Variants in P3H3 observed in about 807,000 individuals in gnomAD.
The protein encoded by P3H3 is prolyl 3-hydroxylase 3, also known as gene rich cluster, B.
P3H3 carries 64 observed loss-of-function variants against 78.1 expected under a neutral mutation model. The ratio of observed to expected loss-of-function variants is 0.82; its 90% CI spans 0.67 to 1.01. The LOEUF (loss-of-function observed/expected upper bound fraction) is 1.01. Among genes scored for constraint, P3H3 ranks in the 50% least tolerant of loss-of-function variants. P3H3 has a pLI of 0.00. For synonymous variants in P3H3, 425 were observed against 416.7 expected (o/e 1.02, Z -0.24); for missense variants, 975 against 982.2 (o/e 0.99, Z 0.10).
At position 6,829,220 on chromosome 12, in the gene P3H3, C is replaced by T. The variant is rs1158600776; in HGVS notation, c.498+282C>T. ...AGATGGAGGGACAGGGCCGCCTCTT[C>T]CTAGGAATGAAGCGGAGGCGGTGGG... On this transcript the variant is annotated intron_variant, in intron 1 of 14. Transcript: ENST00000290510. The surrounding 1 kb of genome is among the most constrained non-coding windows in gnomAD (Gnocchi z 5.1). 2 of 363,194 alleles carry T rather than the reference C, an allele frequency of 5.5e-6. No individual in the cohort carries two copies. Among genetic ancestry groups the T allele is most frequent in the Admixed American group, 4.7e-5 (1 of 21,466 alleles). The allele number at this position is 363,194 out of a possible 1,614,324, so 22.5% of individuals were successfully genotyped here. A position where few individuals can be genotyped will look rare whatever the true frequency, so the allele number is the denominator to read the frequency against.
In P3H3 at chr12:6,833,879, C is replaced by T. The variant is rs782621539; in HGVS notation, c.1334-46C>T. 20 of 1,613,870 alleles carry T rather than the reference C, an allele frequency of 1.2e-5. 1 individual carries two copies. In the Admixed American group the frequency reaches 3.3e-4, roughly 27 times the overall value. On this transcript the variant is annotated intron_variant, in intron 8 of 14. Transcript: ENST00000290510. ...GGCTGCCAGCTACTGCTCTGCCTGC[C>T]CTTAGGGGATGCTCAGCCCCCTCTG...
rs1322872432 is a variant in P3H3, at chr12:6,828,456, C to T, written c.16C>T (p.Arg6Trp). The T allele has an allele frequency of 4.6e-6, 5 of 1,092,286 alleles. No individual in the cohort carries two copies. Among genetic ancestry groups the T allele is most frequent in the East Asian group, 3.2e-5 (1 of 31,576 alleles). 67.7% of individuals were successfully genotyped at this position (1,092,286 alleles called of 1,614,324 possible). MLRLLRPLLLLLLLPP... is the reference protein window; with the variant it reads MLRLLWPLLLLLLLPP... ...CTCCGACATCATGCTCCGGCTCCTC[C>T]GGCCGCTGCTGCTACTGCTGCTGCT... is the stretch of plus-strand genomic sequence containing the variant. The change falls in exon 1 of 15, where the codon CGG becomes TGG. Residue 6 changes from arginine (R) to tryptophan (W), a missense_variant. By Grantham distance (101) the Arg-to-Trp change is moderately radical (BLOSUM62 -3). Coordinates refer to ENST00000290510, the MANE Select transcript of P3H3 (RefSeq NM_014262.5).
In P3H3 at chr12:6,838,033, G is replaced by A. The variant is rs199597210; in HGVS notation, c.1905G>A (p.Thr635=). ...CGGAGCCCAACGCCCTCACTGTCAC[G>A]GTGCGTGGAGTGGGGGGTGTGACGG... The part of the protein sequence containing the change: ...FFTEPNALTV[T]ARVRPRCGRL... The change falls in exon 13 of 15, where the codon ACG becomes ACA. Residue 635 remains threonine (T), a splice_region_variant and synonymous_variant. Transcript: ENST00000290510. 319 of 1,599,828 alleles carry A rather than the reference G, an allele frequency of 2.0e-4. No individual in the cohort carries two copies. Among genetic ancestry groups the A allele is most frequent in the Non-Finnish European group, 2.4e-4 (287 of 1,172,890 alleles).
At chr12:6,834,983 A>T (rs12298497) in intron 9 of P3H3, 27,873 of 151,450 alleles carry the variant, frequency 0.18, 2,812 homozygotes, top group East Asian at 0.35. Flanking sequence ...ACTGAAATGC[A>T]GTTATAGAAG....
Position 6,831,876 on chromosome 12 carries a change from T to C in P3H3, c.1174T>C (p.Tyr392His). The C allele has an allele frequency of 6.2e-7, 1 of 1,608,774 alleles. No homozygotes were observed. The highest frequency in any genetic ancestry group is 1.1e-5 in the South Asian group (1 of 89,964). The change falls in exon 6 of 15, where the codon TAT becomes CAT. Residue 392 changes from tyrosine (Y) to histidine (H), a missense_variant. Tyr to His is a moderately conservative substitution (Grantham distance 83). Transcript: ENST00000290510. The surrounding 1 kb of genome is among the most constrained non-coding windows in gnomAD (Gnocchi z 4.6). Reference sequence around the variant, plus strand: ...CCTGGGGGAGAAGAGGCAGCTCTACTATGCCATGGAGCACCTGGGGACCAG... The same window carrying C: ...CCTGGGGGAGAAGAGGCAGCTCTACCATGCCATGGAGCACCTGGGGACCAG... ...RSLGEKRQLY[Y>H]AMEHLGTSFK...
In P3H3 at chr12:6,837,041, C is replaced by A. The variant is rs782004093; in HGVS notation, c.1515C>A (p.Thr505=). ...ATCGTGGTCGCCGCTCCCCTCACAC[C>A]CCCCATGAACGCTTCGAGGGGCTCA... The part of the protein sequence containing the change: ...SGYRGRRSPH[T]PHERFEGLTV... The change falls in exon 10 of 15, where the codon ACC becomes ACA. Residue 505 remains threonine (T), a synonymous_variant. Coordinates refer to ENST00000290510, the MANE Select transcript of P3H3 (RefSeq NM_014262.5). The A allele has an allele frequency of 8.7e-6, 14 of 1,608,100 alleles. No individual in the cohort carries two copies. The highest frequency in any genetic ancestry group is 1.6e-4 in the Middle Eastern group (1 of 6,082).
In P3H3 at chr12:6,828,636, A is replaced by G; in HGVS notation, c.196A>G (p.Ser66Gly). The G allele has an allele frequency of 3.3e-6, 4 of 1,215,792 alleles. No individual in the cohort carries two copies. The highest frequency in any genetic ancestry group is 3.1e-6 in the Non-Finnish European group (3 of 978,454). The allele number at this position is 1,215,792 out of a possible 1,614,324, so 75.3% of individuals were successfully genotyped here. A position where few individuals can be genotyped will look rare whatever the true frequency, so the allele number is the denominator to read the frequency against. Residue 66 changes from serine to glycine, a missense_variant, in exon 1 of 15, where the codon AGC becomes GGC. Ser to Gly is a moderately conservative substitution (Grantham distance 56). Transcript: ENST00000290510. ...AVALLREALR[S>G]QAALGRVRLD... is the part of the protein sequence containing the mutation. Reference sequence around the variant, plus strand: ...GGCGCTGCTGCGGGAGGCGCTGCGGAGCCAGGCGGCGCTGGGCCGGGTGCG... The same window carrying G: ...GGCGCTGCTGCGGGAGGCGCTGCGGGGCCAGGCGGCGCTGGGCCGGGTGCG...
At chr12:6,838,264 A>G (rs782492412) in intron 13 of P3H3, among the ~76,000 whole-genome samples, 4 of 152,190 alleles carry the variant, frequency 2.6e-5, no homozygotes, top group African/African-American at 4.8e-5. Flanking sequence ...TGAATGAAGC[A>G]CAGCTTGCAG....
chr12:6,828,548 C>T lies in P3H3; in HGVS notation c.108C>T (p.Ala36=). Residue 36 remains alanine, a synonymous_variant, in exon 1 of 15, where the codon GCC becomes GCT. Coordinates refer to ENST00000290510, the MANE Select transcript of P3H3 (RefSeq NM_014262.5). The part of the protein sequence containing the change: ...TQLSPGAPPQ[A]PDLLYADGLR... ...TGTCCCCGGGGGCGCCCCCGCAGGCCCCCGACTTGCTCTACGCTGACGGGC... is the reference window on the plus strand; with the variant it reads ...TGTCCCCGGGGGCGCCCCCGCAGGCTCCCGACTTGCTCTACGCTGACGGGC... 1 of 1,274,502 alleles carries T rather than the reference C, an allele frequency of 7.8e-7. No homozygotes were observed. Among genetic ancestry groups the T allele is most frequent in the Non-Finnish European group, 9.9e-7 (1 of 1,010,504 alleles). The allele number at this position is 1,274,502 out of a possible 1,614,324, so 78.9% of individuals were successfully genotyped here.
chr12:6,830,957 G>A (rs1457046231), intron 4 of P3H3, 187 bp downstream of exon 4: 8 of 896,248 alleles, frequency 8.9e-6, no homozygotes, highest in Non-Finnish European at 1.4e-5. Flanking sequence ...TCAGGAGATG[G>A]GCTTCCTTCT....
chr12:6,835,710 C>T (rs1373245016), intron 9 of P3H3, among the ~76,000 whole-genome samples: 4 of 151,864 alleles, frequency 2.6e-5, no homozygotes, highest in Non-Finnish European at 4.4e-5. Context: ...CACATGAAGG[C>T]CGAGGGACAG....
In P3H3 at chr12:6,831,751, C is replaced by T; in HGVS notation, c.1123-74C>T. ...CCAGGTTCAAGGAGCATGGAGCACC[C>T]AGGCAGTGCCCTAGAGCCGGCGCTT... On this transcript the variant is annotated intron_variant, in intron 5 of 14. Transcript: ENST00000290510. This position sits in a 1 kb window ranked among gnomAD's most constrained non-coding sequence, Gnocchi z 4.6. 3 of 914,006 alleles carry T rather than the reference C, an allele frequency of 3.3e-6. No homozygotes were observed. Among genetic ancestry groups the T allele is most frequent in the Non-Finnish European group, 5.3e-6 (3 of 565,442 alleles). The allele number at this position is 914,006 out of a possible 1,614,324, so 56.6% of individuals were successfully genotyped here. A position where few individuals can be genotyped will look rare whatever the true frequency, so the allele number is the denominator to read the frequency against.
chr12:6,835,158 C>A (rs781860831), intron 9 of P3H3, among the ~76,000 whole-genome samples: 8 of 152,116 alleles, frequency 5.3e-5, no homozygotes, highest in Non-Finnish European at 7.3e-5. Context: ...CCTGTGTGAT[C>A]TTGGGCAATT....
chr12:6,829,755 G>T lies in P3H3; in HGVS notation c.499-104G>T, dbSNP rs1555120998. The T allele has an allele frequency of 2.4e-6, 3 of 1,229,962 alleles. No homozygotes were observed. The highest frequency in any genetic ancestry group is 2.3e-6 in the Non-Finnish European group (2 of 852,170). 76.2% of individuals were successfully genotyped at this position (1,229,962 alleles called of 1,614,324 possible). ...GGCCAGTCTTCCATGAGGCTCTGGG[G>T]CACCCAGAGTGTGTGTCTGGGGTAG... On this transcript the variant is annotated intron_variant, in intron 1 of 14. Transcript: ENST00000290510. The surrounding 1 kb of genome is among the most constrained non-coding windows in gnomAD (Gnocchi z 5.1).
At position 6,839,246 on chromosome 12, in the gene P3H3, C is replaced by T. The variant is rs868947589; in HGVS notation, c.2047-51C>T. On this transcript the variant is annotated intron_variant, in intron 14 of 14. Coordinates refer to ENST00000290510, the MANE Select transcript of P3H3 (RefSeq NM_014262.5). ...GGTGAGGGTCAGGGGCTGAGCTGACCCAGGGAAGGTGGGTGCAGGGAATGG... is the reference window on the plus strand; with the variant it reads ...GGTGAGGGTCAGGGGCTGAGCTGACTCAGGGAAGGTGGGTGCAGGGAATGG... 76 of 1,562,780 alleles carry T rather than the reference C, an allele frequency of 4.9e-5. 1 individual carries two copies. The Middle Eastern group carries it at 7.0e-3, about 144-fold the overall frequency.
rs1471692898 is a variant in P3H3 at position 6,838,014 on chromosome 12, C to T, written c.1886C>T (p.Pro629Leu). 1 of 1,607,024 alleles carries T rather than the reference C, an allele frequency of 6.2e-7. No individual in the cohort carries two copies. Among genetic ancestry groups the T allele is most frequent in the Non-Finnish European group, 8.5e-7 (1 of 1,176,624 alleles). ...FQGGDLFFTE[P>L]NALTVTARVR... ...GGTGGGGACCTGTTCTTCACGGAGC[C>T]CAACGCCCTCACTGTCACGGTGCGT... Residue 629 changes from proline (P) to leucine (L), a missense_variant, in exon 13 of 15, where the codon CCC becomes CTC. Coordinates refer to ENST00000290510, the MANE Select transcript of P3H3 (RefSeq NM_014262.5).
chr12:6,828,927 G>A lies in P3H3; in HGVS notation c.487G>A (p.Ala163Thr). 8.1e-7 allele frequency: 1 copy of A among 1,240,772 alleles called. No homozygotes were observed. The highest frequency in any genetic ancestry group is 1.0e-6 in the Non-Finnish European group (1 of 991,370). The allele number at this position is 1,240,772 out of a possible 1,614,324, so 76.9% of individuals were successfully genotyped here. A position where few individuals can be genotyped will look rare whatever the true frequency, so the allele number is the denominator to read the frequency against. The change falls in exon 1 of 15, where the codon GCC (alanine) becomes ACC (threonine). Residue 163 changes from alanine to threonine, a missense_variant. Physicochemically the swap from Ala to Thr is moderately conservative, Grantham distance 58. Coordinates refer to ENST00000290510, the MANE Select transcript of P3H3 (RefSeq NM_014262.5). ...GGAGCCCTACAACTACCTGCAGAGG[G>A]CCTATTACCAGGTGGGGAGCGGGCC... Reference protein sequence around the residue: ...RREPYNYLQRAYYQLKKLDLA... With the variant: ...RREPYNYLQRTYYQLKKLDLA...
At position 6,837,453 on chromosome 12, in the gene P3H3, G is replaced by A. The variant is rs782335031; in HGVS notation, c.1591G>A (p.Gly531Ser). 1.3e-5 allele frequency: 21 copies of A among 1,611,604 alleles called. No homozygotes were observed. The highest frequency in any genetic ancestry group is 1.8e-5 in the Non-Finnish European group (21 of 1,179,026). The change falls in exon 11 of 15, where the codon GGT (glycine) becomes AGT (serine). Residue 531 changes from glycine to serine, a missense_variant. Physicochemically the swap from Gly to Ser is moderately conservative, Grantham distance 56 (BLOSUM62 0). Coordinates refer to ENST00000290510, the MANE Select transcript of P3H3 (RefSeq NM_014262.5). ...LARAGTVGSQGAKLLLEVSER... is the reference protein window; with the variant it reads ...LARAGTVGSQSAKLLLEVSER... ...CCGGGCTGGGACAGTGGGCAGTCAGGGTGCTAAGCTGCTTCTGGAGGTGAG... is the reference window on the plus strand; with the variant it reads ...CCGGGCTGGGACAGTGGGCAGTCAGAGTGCTAAGCTGCTTCTGGAGGTGAG...
chr12:6,829,963 G>T lies in P3H3; in HGVS notation c.603G>T (p.Ser201=). 1 of 1,613,986 alleles carries T rather than the reference G, an allele frequency of 6.2e-7. No homozygotes were observed. Among genetic ancestry groups the T allele is most frequent in the Non-Finnish European group, 8.5e-7 (1 of 1,179,882 alleles). Residue 201 remains serine, a synonymous_variant, in exon 2 of 15, where the codon TCG becomes TCT. Transcript: ENST00000290510. The surrounding 1 kb of genome is among the most constrained non-coding windows in gnomAD (Gnocchi z 5.1). ...ACATGGCTAAGTACAGACGAATGTC[G>T]GGAGTTCGGCCCCAGAGCTTCCGGG... ...REDMAKYRRM[S]GVRPQSFRDL... is the part of the protein sequence containing the mutation.
Sources: gnomAD v4.1 joint callset for allele counts (sites outside exome capture counted in the v4.1 genomes callset) on GRCh38, gnomAD v4.1.1 for gene constraint, Gnocchi (gnomAD v3.1) non-coding constraint, MANE v1.5 for transcripts, NCBI Gene and HGNC (gene_info 2026-07-23, HGNC 2026-07-21) for gene names.